The following CA10 variants were observed in gnomAD, a reference collection of about 807,000 sequenced individuals.
The protein encoded by CA10 is carbonic anhydrase 10 (inactive).
In CA10, 14 loss-of-function variants were observed where a neutral mutation model predicts 44.2. That is an observed-to-expected ratio of 0.32 (90% CI 0.21 to 0.50). CA10 has a LOEUF of 0.50. CA10 is among the 20% of genes least tolerant of loss of function. The probability of loss-of-function intolerance (pLI) is 0.99; values close to 1 mark genes in which losing one functional copy is unlikely to be tolerated. For synonymous variants in CA10, 159 were observed against 141.6 expected (o/e 1.12, Z -0.87); for missense variants, 350 against 409.7 (o/e 0.85, Z 1.26).
At chr17:51,933,310 T>A (rs1982737843) in intron 2 of CA10, among the ~76,000 whole-genome samples, 1 of 152,116 alleles carries the variant, frequency 6.6e-6, no homozygotes, top group Non-Finnish European at 1.5e-5. Context: ...GAAGTCTTTA[T>A]AAGAGAAATG....
chr17:51,990,897 G>A (rs1042577406), intron 2 of CA10, among the ~76,000 whole-genome samples: 1 of 152,026 alleles, frequency 6.6e-6, no homozygotes, highest in Non-Finnish European at 1.5e-5. Context: ...ATCATAGATG[G>A]CCCCAGTCTT....
chr17:51,759,561 A>G (rs936262436), intron 3 of CA10, among the ~76,000 whole-genome samples: 1 of 151,722 alleles, frequency 6.6e-6, no homozygotes. Context: ...GATTCCTGCC[A>G]TATCTCAGCA....
chr17:51,677,580 T>C (rs1275150710), intron 4 of CA10, among the ~76,000 whole-genome samples: 4 of 152,214 alleles, frequency 2.6e-5, no homozygotes, highest in Middle Eastern at 3.4e-3. Flanking sequence ...AATGAACTAA[T>C]AGAAGTGGTT....
At chr17:51,732,357 TA>T (rs1916750308) in intron 4 of CA10, among the ~76,000 whole-genome samples, 2 of 152,248 alleles carry the variant, frequency 1.3e-5, no homozygotes, top group African/African-American at 4.8e-5. Context: ...TTCTTTCTAT[TA>T]ATGGGTGACA....
At chr17:52,107,169 C>G (rs1988678930) in intron 1 of CA10, among the ~76,000 whole-genome samples, 1 of 152,168 alleles carries the variant, frequency 6.6e-6, no homozygotes, top group Non-Finnish European at 1.5e-5. Flanking sequence ...TTTTTAATCT[C>G]TCAAGCTGGG....
intron 3 of CA10, among the ~76,000 whole-genome samples, chr17:51,868,711 G>C (rs1979664273): frequency 6.6e-6 from 1 of 151,838 alleles, no homozygotes; most frequent in African/African-American, 2.4e-5. Context: ...CTCCTGCTTG[G>C]CCTTATGACC....
chr17:51,679,949 T>C (rs1280583211), intron 4 of CA10, among the ~76,000 whole-genome samples: 4 of 152,226 alleles, frequency 2.6e-5, no homozygotes, highest in Non-Finnish European at 5.9e-5. Flanking sequence ...ACTTTCAGCA[T>C]CTGTAAACAA....
chr17:51,682,137 T>A (rs184930669), intron 4 of CA10, among the ~76,000 whole-genome samples: 205 of 152,184 alleles, frequency 1.3e-3, no homozygotes, highest in African/African-American at 4.7e-3. Context: ...AGGGACCACC[T>A]TTTTTTGCAG....
chr17:51,940,477 GCTC>G (rs957400576), intron 2 of CA10, among the ~76,000 whole-genome samples: 1 of 151,992 alleles, frequency 6.6e-6, no homozygotes, highest in Admixed American at 6.6e-5. Context: ...AGGTTATCTG[GCTC>G]CTCCTCATGT....
intron 3 of CA10, among the ~76,000 whole-genome samples, chr17:51,869,237 A>T (rs1362898498): frequency 3.3e-5 from 5 of 152,162 alleles, no homozygotes; most frequent in African/African-American, 4.8e-5. Context: ...AGCCTTGAAC[A>T]CTAACTTATG....
At chr17:51,970,697 T>G (rs913917417) in intron 2 of CA10, among the ~76,000 whole-genome samples, 4 of 152,130 alleles carry the variant, frequency 2.6e-5, no homozygotes, top group African/African-American at 9.6e-5. Context: ...AAAGCTATTC[T>G]TCACAGATTC....
chr17:51,888,863 C>G (rs1396602913), intron 3 of CA10, among the ~76,000 whole-genome samples: 2 of 152,116 alleles, frequency 1.3e-5, no homozygotes, highest in Non-Finnish European at 2.9e-5. Context: ...ACTCATGGTT[C>G]CATGGATTGA....
At chr17:51,906,176 C>A (rs1030579083) in intron 3 of CA10, among the ~76,000 whole-genome samples, 2 of 152,046 alleles carry the variant, frequency 1.3e-5, no homozygotes, top group Non-Finnish European at 2.9e-5. Flanking sequence ...GCTAGCCTAC[C>A]CCCATTTTGT....
intron 2 of CA10, among the ~76,000 whole-genome samples, chr17:51,954,303 C>A (rs1467900406): frequency 6.6e-6 from 1 of 152,146 alleles, no homozygotes; most frequent in Non-Finnish European, 1.5e-5. Context: ...TAAAAAAGTT[C>A]ATTTACTTCC....
intron 4 of CA10, among the ~76,000 whole-genome samples, chr17:51,719,812 C>G (rs1430296965): frequency 1.3e-5 from 2 of 152,154 alleles, no homozygotes; most frequent in Non-Finnish European, 2.9e-5. Flanking sequence ...GTATCACAAG[C>G]CCAGGAGTTC....
At chr17:51,838,135 A>G (rs1044412594) in intron 3 of CA10, among the ~76,000 whole-genome samples, 9 of 152,232 alleles carry the variant, frequency 5.9e-5, no homozygotes, top group African/African-American at 2.2e-4. Flanking sequence ...TTACAAATAT[A>G]CATTAACAGA....
intron 3 of CA10, among the ~76,000 whole-genome samples, chr17:51,809,137 T>C (rs1448261787): frequency 2.6e-5 from 4 of 151,806 alleles, no homozygotes; most frequent in Non-Finnish European, 5.9e-5. Flanking sequence ...ACAAAAGTGA[T>C]AGGGAAAAAA....
chr17:51,904,776 A>G (rs1981470878), intron 3 of CA10, among the ~76,000 whole-genome samples: 1 of 152,110 alleles, frequency 6.6e-6, no homozygotes, highest in Admixed American at 6.6e-5. Context: ...CCTCTATCCT[A>G]CGCTGCTTCT....
rs370632891 is a variant in CA10, at chr17:51,883,054, G to GTCA, written c.279+47933_279+47935dup. On this transcript the variant is annotated intron_variant, in intron 3 of 8. Coordinates refer to ENST00000451037, the MANE Select transcript of CA10 (RefSeq NM_020178.5). ...ATTCACACTAAACTATTAGTGGTGG[G>GTCA]TCATCTCCTTTTGGGAAGGCAGGAA... is the stretch of plus-strand genomic sequence containing the variant. Among the ~76,000 whole-genome samples the GTCA allele has an allele frequency of 1.2e-4, 18 of 152,266 alleles. 1 individual carries two copies. The highest frequency in any genetic ancestry group is 3.9e-4 in the African/African-American group (16 of 41,550).
Sources: gnomAD v4.1 joint callset for allele counts (sites outside exome capture counted in the v4.1 genomes callset) on GRCh38, gnomAD v4.1.1 for gene constraint, MANE v1.5 for transcripts, NCBI Gene and HGNC (gene_info 2026-07-23, HGNC 2026-07-21) for gene names.